Variants in FAM13A observed in about 807,000 individuals in gnomAD.
FAM13A encodes the protein family with sequence similarity 13 member A, also known as protein FAM13A.
In FAM13A, 76 loss-of-function variants were observed where a neutral mutation model predicts 129.6. That is an observed-to-expected ratio of 0.59 (90% CI 0.49 to 0.71). The LOEUF (loss-of-function observed/expected upper bound fraction) is 0.71, where lower values mean the gene tolerates loss of function less well. Among genes scored for constraint, FAM13A ranks in the 30% least tolerant of loss-of-function variants. The pLI, the probability that FAM13A is intolerant of heterozygous loss-of-function variation, is 0.00. For missense variants in FAM13A, 1,108 were observed against 1,249.3 expected (o/e 0.89, Z 1.70); for synonymous variants, 443 against 449.9 (o/e 0.98, Z 0.20).
chr4:88,746,175 T>A (rs193227128), intron 19 of FAM13A, among the ~76,000 whole-genome samples: 3 of 152,344 alleles, frequency 2.0e-5, no homozygotes, highest in Admixed American at 2.0e-4. Flanking sequence ...ACTTCGTGCT[T>A]CCTTATACCT....
chr4:88,945,586 A>G (rs891689108), intron 4 of FAM13A, among the ~76,000 whole-genome samples: 33 of 151,964 alleles, frequency 2.2e-4, no homozygotes, highest in African/African-American at 5.1e-4. Context: ...TCAAACCCAA[A>G]TATTTATACA....
chr4:88,856,276 T>C (rs1738480196), intron 6 of FAM13A, among the ~76,000 whole-genome samples: 1 of 150,266 alleles, frequency 6.7e-6, no homozygotes, highest in African/African-American at 2.5e-5. Flanking sequence ...GACCAGGAGG[T>C]CGAGACAAGC....
chr4:88,787,946 A>G lies in FAM13A; in HGVS notation c.1092-14T>C, dbSNP rs766475439. 26 of 1,606,878 alleles carry G rather than the reference A, an allele frequency of 1.6e-5. No individual in the cohort carries two copies. Among genetic ancestry groups the G allele is most frequent in the Non-Finnish European group, 2.1e-5 (25 of 1,175,870 alleles). ...CTTTCTAAGAGTCTGGCAAAAAAGA[A>G]TGCAGAGTCATTCAAGCAGTCAAGT... On this transcript the variant is annotated splice_polypyrimidine_tract_variant and intron_variant, in intron 9 of 23. Coordinates refer to ENST00000264344, the MANE Select transcript of FAM13A (RefSeq NM_014883.4).
chr4:89,039,286 A>G (rs78092932), intron 1 of FAM13A, among the ~76,000 whole-genome samples: 7,390 of 152,292 alleles, frequency 0.049, 284 homozygotes, highest in South Asian at 0.22. Flanking sequence ...AAAATATACA[A>G]CCTTCAAATG....
At chr4:89,050,369 AT>A (rs996609829) in intron 1 of FAM13A, among the ~76,000 whole-genome samples, 1 of 151,630 alleles carries the variant, frequency 6.6e-6, no homozygotes, top group South Asian at 2.1e-4. Flanking sequence ...CTCCCAGCTA[AT>A]TTTTTTTGTA....
chr4:88,893,303 T>TG (rs1745671608), intron 6 of FAM13A, among the ~76,000 whole-genome samples: 1 of 152,200 alleles, frequency 6.6e-6, no homozygotes, highest in South Asian at 2.1e-4. Flanking sequence ...AAAAGGTCCA[T>TG]GCTCCACTGT....
chr4:88,740,541 CAA>C (rs1016596576), intron 19 of FAM13A, among the ~76,000 whole-genome samples: 75 of 152,314 alleles, frequency 4.9e-4, no homozygotes, highest in African/African-American at 1.6e-3. Context: ...ATCTTTGCTT[CAA>C]GTTAGCTGTT....
chr4:89,044,799 G>C (rs1388759296), intron 1 of FAM13A, among the ~76,000 whole-genome samples: 2 of 152,144 alleles, frequency 1.3e-5, no homozygotes, highest in South Asian at 4.2e-4. Flanking sequence ...AAAGCATTAT[G>C]CAAAGTGAAT....
chr4:88,797,911 T>G (rs1211858146), intron 8 of FAM13A, among the ~76,000 whole-genome samples: 1 of 152,232 alleles, frequency 6.6e-6, no homozygotes, highest in East Asian at 1.9e-4. Flanking sequence ...GATTCTGCTT[T>G]TATGCTGAGT....
chr4:88,988,397 A>C (rs912844838), intron 4 of FAM13A, among the ~76,000 whole-genome samples: 16 of 152,184 alleles, frequency 1.1e-4, no homozygotes, highest in Non-Finnish European at 2.1e-4. Flanking sequence ...GGAATTGTCC[A>C]TTTTCTTAGG....
chr4:89,032,548 A>C (rs979123312), intron 1 of FAM13A, among the ~76,000 whole-genome samples: 1 of 152,200 alleles, frequency 6.6e-6, no homozygotes, highest in Non-Finnish European at 1.5e-5. Flanking sequence ...TCAGTCAAAA[A>C]GGGCTGTGCC....
At chr4:88,889,289 A>G (rs1447957331) in intron 6 of FAM13A, among the ~76,000 whole-genome samples, 1 of 152,094 alleles carries the variant, frequency 6.6e-6, no homozygotes, top group East Asian at 1.9e-4. Flanking sequence ...GTATATGGCA[A>G]TATGTGTGTG....
At chr4:88,928,874 T>G (rs941654345) in intron 5 of FAM13A, among the ~76,000 whole-genome samples, 11 of 152,164 alleles carry the variant, frequency 7.2e-5, no homozygotes, top group African/African-American at 2.7e-4. Flanking sequence ...GTTTTATAAA[T>G]TCTTTGTTTC....
chr4:88,863,788 TG>T (rs1368714043), intron 6 of FAM13A, among the ~76,000 whole-genome samples: 3 of 152,230 alleles, frequency 2.0e-5, no homozygotes, highest in South Asian at 2.1e-4. Context: ...GTTTTGTTTA[TG>T]TTTTTTTTTC....
chr4:88,767,525 G>A, intron 13 of FAM13A, 28 bp downstream of exon 13: 1 of 1,572,562 alleles, frequency 6.4e-7, no homozygotes, highest in Non-Finnish European at 8.6e-7. Flanking sequence ...CCCCGTCACA[G>A]TCTTACTCTT....
At chr4:88,822,081 T>A (rs1191762810) in intron 7 of FAM13A, among the ~76,000 whole-genome samples, 2 of 150,784 alleles carry the variant, frequency 1.3e-5, no homozygotes, top group Admixed American at 6.6e-5. Context: ...TGATTTAAAA[T>A]TTTTTTTTTA....
chr4:88,918,450 A>C (rs1202596965), intron 5 of FAM13A, among the ~76,000 whole-genome samples: 2 of 152,220 alleles, frequency 1.3e-5, no homozygotes, highest in Non-Finnish European at 2.9e-5. Context: ...ACACTTAGTA[A>C]GTGGCAACAC....
chr4:88,986,641 C>T (rs1762279460), intron 4 of FAM13A, among the ~76,000 whole-genome samples: 1 of 151,326 alleles, frequency 6.6e-6, no homozygotes, highest in Non-Finnish European at 1.5e-5. Context: ...ATGTCTTAAA[C>T]ATTACTCAGT....
At chr4:88,928,020 G>T (rs1214266431) in intron 5 of FAM13A, among the ~76,000 whole-genome samples, 2 of 151,938 alleles carry the variant, frequency 1.3e-5, no homozygotes, top group Admixed American at 1.3e-4. Context: ...GCTGTATCCT[G>T]TGTATGGTGT....
Sources: gnomAD v4.1 joint callset for allele counts (sites outside exome capture counted in the v4.1 genomes callset) on GRCh38, gnomAD v4.1.1 for gene constraint, MANE v1.5 for transcripts, NCBI Gene and HGNC (gene_info 2026-07-23, HGNC 2026-07-21) for gene names.